TEC: variants seen among roughly 807,000 people sequenced by gnomAD.
TEC encodes tec protein tyrosine kinase, also known as tyrosine-protein kinase Tec.
A neutral mutation model predicts 93.0 loss-of-function variants in TEC; 72 were observed. The ratio of observed to expected loss-of-function variants is 0.77; its 90% CI spans 0.64 to 0.94. The LOEUF (loss-of-function observed/expected upper bound fraction) is 0.94. Ranked by LOEUF, TEC falls within the 40% of genes least tolerant of loss-of-function variation. TEC has a pLI of 0.00. For synonymous variants in TEC, 249 were observed against 247.7 expected (o/e 1.01, Z -0.05); for missense variants, 630 against 757.9 (o/e 0.83, Z 1.98).
intron 5 of TEC, among the ~76,000 whole-genome samples, chr4:48,168,840 C>T (rs1720985143): frequency 1.3e-5 from 2 of 152,158 alleles, no homozygotes; most frequent in Non-Finnish European, 2.9e-5. Flanking sequence ...TCTGAACGCA[C>T]AATAAATGCC....
In TEC at chr4:48,149,676, C is replaced by T. The variant is rs2109515036; in HGVS notation, c.887G>A (p.Gly296Asp). ...YTKFGGEGSS[G>D]FRHYHIKETT... ...TTCCTTTATATGATAATGCCTAAAA[C>T]CCGATGAACCTTCTCTAGAACAAAA... The change falls in exon 11 of 18, where the codon GGT becomes GAT. Residue 296 changes from glycine (G) to aspartate (D), a missense_variant. Around this residue, in one of 3 missense-constraint regions of TEC, gnomAD observed 335 missense variants for 351.5 expected, o/e 0.95. Transcript: ENST00000381501. 1 of 1,604,866 alleles carries T rather than the reference C, an allele frequency of 6.2e-7. No homozygotes were observed. Among genetic ancestry groups the T allele is most frequent in the South Asian group, 1.1e-5 (1 of 88,692 alleles).
Position 48,137,316 on chromosome 4 carries a change from T to C in TEC, c.*100A>G. The C allele has an allele frequency of 1.1e-6, 1 of 913,876 alleles. No homozygotes were observed. The highest frequency in any genetic ancestry group is 2.5e-5 in the East Asian group (1 of 39,776). 56.6% of individuals were successfully genotyped at this position (913,876 alleles called of 1,614,324 possible). A position where few individuals can be genotyped will look rare whatever the true frequency, so the allele number is the denominator to read the frequency against. On this transcript the variant is annotated 3_prime_UTR_variant, in exon 18 of 18. Coordinates refer to ENST00000381501, the MANE Select transcript of TEC (RefSeq NM_003215.3). The stretch of plus-strand genomic sequence containing the variant: ...TATTTATGTGTTTCCACTGTATAAG[T>C]AAAATGATCTACATGTCCAAGTGCT...
At chr4:48,210,382 G>A (rs1372342909) in intron 2 of TEC, among the ~76,000 whole-genome samples, 3 of 152,048 alleles carry the variant, frequency 2.0e-5, no homozygotes, top group African/African-American at 7.2e-5. Context: ...GTCCTTAGGA[G>A]GCCAAGGTGG....
At chr4:48,247,431 T>C (rs1173884688) in intron 1 of TEC, among the ~76,000 whole-genome samples, 3 of 152,184 alleles carry the variant, frequency 2.0e-5, no homozygotes, top group Non-Finnish European at 4.4e-5. Context: ...CAAAAACTTG[T>C]ATGTGAATGC....
intron 1 of TEC, among the ~76,000 whole-genome samples, chr4:48,253,574 T>TC (rs1223094762): frequency 6.8e-6 from 1 of 147,638 alleles, no homozygotes; most frequent in Non-Finnish European, 1.5e-5. Flanking sequence ...GTCCAATTCT[T>TC]TTTTTTTTTT....
At chr4:48,245,174 T>C (rs1247811982) in intron 1 of TEC, among the ~76,000 whole-genome samples, 4 of 151,782 alleles carry the variant, frequency 2.6e-5, no homozygotes, top group Non-Finnish European at 5.9e-5. Context: ...GTGTCTGTAA[T>C]CCCAGCTACT....
intron 2 of TEC, among the ~76,000 whole-genome samples, chr4:48,186,087 G>A (rs547438297): frequency 2.0e-5 from 3 of 152,228 alleles, no homozygotes; most frequent in African/African-American, 7.2e-5. Flanking sequence ...TCCAGCTCCT[G>A]ACCGTGAGTG....
At chr4:48,156,605 T>G (rs1720411955) in intron 9 of TEC, 75 bp downstream of exon 9, 2 of 1,284,724 alleles carry the variant, frequency 1.6e-6, no homozygotes, top group African/African-American at 3.0e-5. Flanking sequence ...GAAAGAGAGA[T>G]ATGTGGAACT....
At chr4:48,265,008 GA>G (rs34461450) in intron 1 of TEC, among the ~76,000 whole-genome samples, 29,698 of 151,820 alleles carry the variant, frequency 0.2, 3,348 homozygotes, top group East Asian at 0.41. Context: ...GTTACACAAG[GA>G]AAACTTCTAA....
At chr4:48,159,698 G>A (rs946585483) in intron 8 of TEC, among the ~76,000 whole-genome samples, 7 of 151,890 alleles carry the variant, frequency 4.6e-5, no homozygotes, top group African/African-American at 9.7e-5. Flanking sequence ...ACAGGCACCC[G>A]CCACCACGCC....
At chr4:48,256,594 C>CAAAAAAA in intron 1 of TEC, among the ~76,000 whole-genome samples, 1 of 61,712 alleles carries the variant, frequency 1.6e-5, no homozygotes, top group Non-Finnish European at 3.2e-5. Flanking sequence ...GACCTTGTCT[C>CAAAAAAA]AAAAAAAAAA....
At chr4:48,188,655 A>G (rs1161674138) in intron 2 of TEC, among the ~76,000 whole-genome samples, 1 of 152,210 alleles carries the variant, frequency 6.6e-6, no homozygotes, top group African/African-American at 2.4e-5. Context: ...ATAAACATGC[A>G]CGCGTATGTG....
intron 2 of TEC, among the ~76,000 whole-genome samples, chr4:48,223,485 T>C (rs1347413445): frequency 6.6e-6 from 1 of 152,224 alleles, no homozygotes; most frequent in East Asian, 1.9e-4. Flanking sequence ...GTGCAGGTTT[T>C]TAATTTTTCT....
intron 1 of TEC, among the ~76,000 whole-genome samples, chr4:48,245,489 T>C (rs1399209150): frequency 6.6e-6 from 1 of 152,176 alleles, no homozygotes; most frequent in Non-Finnish European, 1.5e-5. Flanking sequence ...GTATTTAATT[T>C]CATTAAGTAA....
chr4:48,207,782 C>T (rs1235243861), intron 2 of TEC, among the ~76,000 whole-genome samples: 9 of 151,874 alleles, frequency 5.9e-5, no homozygotes, highest in Non-Finnish European at 1.2e-4. Flanking sequence ...AGTGAGACCT[C>T]GTCTCAAAAT....
intron 2 of TEC, among the ~76,000 whole-genome samples, chr4:48,179,771 T>C (rs1486217442): frequency 2.0e-5 from 3 of 152,096 alleles, no homozygotes; most frequent in African/African-American, 4.8e-5. Flanking sequence ...AAATGAACAG[T>C]AGATGCAAAG....
At chr4:48,228,402 A>G in intron 2 of TEC, 75 bp downstream of exon 2, 4 of 1,436,190 alleles carry the variant, frequency 2.8e-6, no homozygotes, top group Non-Finnish European at 3.7e-6. Flanking sequence ...TTTCAATAAG[A>G]TTGGAGAGGC....
intron 1 of TEC, among the ~76,000 whole-genome samples, chr4:48,262,201 C>CTTTTTTTT (rs10659576): frequency 3.7e-5 from 3 of 80,208 alleles, no homozygotes; most frequent in Non-Finnish European, 4.7e-5. Flanking sequence ...CCAAATGTCT[C>CTTTTTTTT]TTTTTTTTTT....
chr4:48,186,435 T>C (rs1002967952), intron 2 of TEC, among the ~76,000 whole-genome samples: 5 of 145,992 alleles, frequency 3.4e-5, no homozygotes, highest in Admixed American at 2.0e-4. Flanking sequence ...TGGCCGCCCA[T>C]CGTCTGAGAT....
Sources: allele counts gnomAD v4.1 joint callset (sites outside exome capture counted in the v4.1 genomes callset), GRCh38; gene constraint gnomAD v4.1.1; regional missense constraint gnomAD v4.1.1; transcripts MANE v1.5; gene names NCBI Gene and HGNC (gene_info 2026-07-23, HGNC 2026-07-21).